PPP1R3A: variants seen among roughly 807,000 people sequenced by gnomAD.
The protein encoded by PPP1R3A is protein phosphatase 1 regulatory subunit 3A.
PPP1R3A carries 29 observed loss-of-function variants against 41.7 expected under a neutral mutation model. The observed-to-expected ratio is 0.70, with a 90% confidence interval of 0.52 to 0.95. PPP1R3A has a LOEUF of 0.95. PPP1R3A is among the 40% of genes least tolerant of loss of function. The probability of loss-of-function intolerance (pLI) is 0.00; values close to 1 mark genes in which losing one functional copy is unlikely to be tolerated. For synonymous variants in PPP1R3A, 485 were observed against 453.4 expected, an observed-to-expected ratio of 1.07 and a Z score of -0.89; for missense variants, 1,352 against 1,292.4, an observed-to-expected ratio of 1.05 and a Z score of -0.71.
intron 1 of PPP1R3A, among the ~76,000 whole-genome samples, chr7:113,905,813 G>A (rs1479751332): frequency 6.6e-6 from 1 of 151,780 alleles, no homozygotes; most frequent in Non-Finnish European, 1.5e-5. Flanking sequence ...GCACTAATAT[G>A]AGCAGTGGCC....
chr7:113,882,004 A>G (rs368848706), intron 3 of PPP1R3A, 35 bp downstream of exon 3: 1 of 1,609,788 alleles, frequency 6.2e-7, no homozygotes, highest in African/African-American at 1.3e-5. Context: ...AAATGGATTC[A>G]TCTTCTCTAA....
At chr7:113,905,264 AATTTT>A (rs1034390160) in intron 1 of PPP1R3A, among the ~76,000 whole-genome samples, 15 of 151,892 alleles carry the variant, frequency 9.9e-5, no homozygotes, top group Admixed American at 9.9e-4. Flanking sequence ...AAAATATTAT[AATTTT>A]AAGAGTTATG....
chr7:113,882,364 C>T, intron 1 of PPP1R3A, 44 bp from the exon 2 acceptor site: 1 of 1,183,122 alleles, frequency 8.5e-7, no homozygotes, highest in Non-Finnish European at 1.2e-6. Flanking sequence ...TCTGGGACTG[C>T]ATCTTCTAAG....
chr7:113,882,240 T>C (rs747192773), intron 2 of PPP1R3A, 22 bp downstream of exon 2: 8 of 1,553,180 alleles, frequency 5.2e-6, no homozygotes, highest in Admixed American at 1.7e-5. Flanking sequence ...AATTTGGTTT[T>C]AAAATTAATG....
chr7:113,911,141 G>C (rs1235718399), intron 1 of PPP1R3A, among the ~76,000 whole-genome samples: 1 of 152,028 alleles, frequency 6.6e-6, no homozygotes, highest in East Asian at 1.9e-4. Context: ...CTCTGTCCCT[G>C]AGCAATGCAG....
chr7:113,918,215 C>A lies in PPP1R3A; in HGVS notation c.782G>T (p.Ser261Ile), dbSNP rs965358250. The A allele has an allele frequency of 1.3e-6, 2 of 1,596,096 alleles. No homozygotes were observed. Among genetic ancestry groups the A allele is most frequent in the African/African-American group, 2.7e-5 (2 of 73,582 alleles). ...TAAAATATGTAAGATATATCCTCAC[C>A]TTGATTTTACCTTTAAGCAGCCTTT... Reference protein sequence around the residue: ...QIKGCLKVKSSKEESSVTSEE... With the variant: ...QIKGCLKVKSIKEESSVTSEE... Residue 261 changes from serine (S) to isoleucine (I), a missense_variant and splice_region_variant, in exon 1 of 4, where the codon AGT (serine) becomes ATT (isoleucine). Coordinates refer to ENST00000284601, the MANE Select transcript of PPP1R3A (RefSeq NM_002711.4).
chr7:113,903,250 C>T (rs1401013759), intron 1 of PPP1R3A, among the ~76,000 whole-genome samples: 1 of 151,686 alleles, frequency 6.6e-6, no homozygotes, highest in East Asian at 2.0e-4. Context: ...AAGAAAGTTC[C>T]CTTAAGCACC....
intron 1 of PPP1R3A, among the ~76,000 whole-genome samples, chr7:113,894,562 G>A (rs777267602): frequency 2.4e-4 from 37 of 152,004 alleles, no homozygotes; most frequent in Non-Finnish European, 4.1e-4. Flanking sequence ...TCCTCACAAC[G>A]TAAGTGCTGA....
chr7:113,910,867 A>T (rs1797233427), intron 1 of PPP1R3A, among the ~76,000 whole-genome samples: 1 of 152,140 alleles, frequency 6.6e-6, no homozygotes, highest in Non-Finnish European at 1.5e-5. Context: ...CATAATTAGG[A>T]AAAGCATTTT....
intron 1 of PPP1R3A, among the ~76,000 whole-genome samples, chr7:113,915,536 T>C (rs909900627): frequency 3.4e-5 from 5 of 149,244 alleles, no homozygotes; most frequent in Non-Finnish European, 7.4e-5. Flanking sequence ...TATATATATA[T>C]GTATGTATAT....
At chr7:113,881,914 G>A in intron 3 of PPP1R3A, 125 bp downstream of exon 3, 3 of 1,106,564 alleles carry the variant, frequency 2.7e-6, no homozygotes, top group Non-Finnish European at 4.1e-6. Context: ...CGCAAGGACA[G>A]AATAGGCTGT....
At chr7:113,890,302 C>T (rs971840384) in intron 1 of PPP1R3A, among the ~76,000 whole-genome samples, 1 of 152,040 alleles carries the variant, frequency 6.6e-6, no homozygotes, top group Non-Finnish European at 1.5e-5. Flanking sequence ...GGATCTACTG[C>T]ATCAGCATCT....
chr7:113,915,644 G>A (rs187411046), intron 1 of PPP1R3A, among the ~76,000 whole-genome samples: 388 of 149,038 alleles, frequency 2.6e-3, no homozygotes, highest in Non-Finnish European at 3.8e-3. Flanking sequence ...TATATATTCT[G>A]TTTTTACCTT....
In PPP1R3A at chr7:113,878,561, G is replaced by A. The variant is rs780147047; in HGVS notation, c.2531C>T (p.Ser844Phe). Residue 844 changes from serine (S) to phenylalanine (F), a missense_variant, in exon 4 of 4, where the codon TCT becomes TTT. Physicochemically the swap from Ser to Phe is radical, Grantham distance 155 (BLOSUM62 -2). Transcript: ENST00000284601. ...AATGACCCATGAGGATTCTTCCACA[G>A]ATGTTATATTTCCAGTGCCACATTT... ...REKCGTGNIT[S>F]VEESSWVITE... 5.0e-6 allele frequency: 8 copies of A among 1,613,474 alleles called. No homozygotes were observed. In the East Asian group the frequency reaches 1.8e-4, roughly 36 times the overall value.
At position 113,918,403 on chromosome 7, in the gene PPP1R3A, A is replaced by G. The variant is rs1797376600; in HGVS notation, c.594T>C (p.Tyr198=). The G allele has an allele frequency of 6.2e-7, 1 of 1,613,330 alleles. No homozygotes were observed. The highest frequency in any genetic ancestry group is 1.7e-5 in the Admixed American group (1 of 59,910). Reference sequence around the variant, plus strand: ...ACTCAACTTTACTGCCATCTTTTTGATAAGGAGGAACCAATACAATCTTAA... The same window carrying G: ...ACTCAACTTTACTGCCATCTTTTTGGTAAGGAGGAACCAATACAATCTTAA... ...FSFKIVLVPP[Y]QKDGSKVEFC... is the part of the protein sequence containing the mutation. Residue 198 remains tyrosine (Y), a synonymous_variant, in exon 1 of 4, where the codon TAT becomes TAC. Transcript: ENST00000284601.
rs117258186 is a variant in PPP1R3A, at chr7:113,888,836, G to A, written c.783-6516C>T. On this transcript the variant is annotated intron_variant, in intron 1 of 3. Coordinates refer to ENST00000284601, the MANE Select transcript of PPP1R3A (RefSeq NM_002711.4). ...AAGGAGTTCTTACCAACCTTTAGAA[G>A]GCCCCCTGGGGCATTCTACCAGATG... Among the ~76,000 whole-genome samples, 666 of 152,266 alleles carry A rather than the reference G, an allele frequency of 4.4e-3. 4 individuals are homozygous for A. Among genetic ancestry groups the A allele is most frequent in the South Asian group, 9.5e-3 (46 of 4,826 alleles).
At chr7:113,889,545 C>T (rs913491424) in intron 1 of PPP1R3A, among the ~76,000 whole-genome samples, 7 of 152,006 alleles carry the variant, frequency 4.6e-5, no homozygotes, top group Non-Finnish European at 1.0e-4. Flanking sequence ...GACATTTTTT[C>T]CTTTTTCCCT....
chr7:113,877,964 T>G lies in PPP1R3A; in HGVS notation c.3128A>C (p.Glu1043Ala). ...SSGQSLYTSG[E>A]KESDSSASTS... ...AGAAGCAGAGCTGTCAGATTCCTTTTCACCTGAAGTGTATAGTGATTGCCC... is the reference window on the plus strand; with the variant it reads ...AGAAGCAGAGCTGTCAGATTCCTTTGCACCTGAAGTGTATAGTGATTGCCC... Residue 1043 changes from glutamate (E) to alanine (A), a missense_variant, in exon 4 of 4, where the codon GAA becomes GCA. Physicochemically the swap from Glu to Ala is moderately radical, Grantham distance 107 (BLOSUM62 -1). Transcript: ENST00000284601. The G allele has an allele frequency of 6.2e-7, 1 of 1,613,456 alleles. No individual in the cohort carries two copies. The highest frequency in any genetic ancestry group is 8.5e-7 in the Non-Finnish European group (1 of 1,179,642).
At chr7:113,892,226 T>C (rs540518648) in intron 1 of PPP1R3A, among the ~76,000 whole-genome samples, 1 of 152,208 alleles carries the variant, frequency 6.6e-6, no homozygotes, top group South Asian at 2.1e-4. Flanking sequence ...GGAAAATAAA[T>C]GACCTTTAAA....
Sources: gnomAD v4.1 joint callset for allele counts (sites outside exome capture counted in the v4.1 genomes callset) on GRCh38, gnomAD v4.1.1 for gene constraint, MANE v1.5 for transcripts, NCBI Gene and HGNC (gene_info 2026-07-23, HGNC 2026-07-21) for gene names.